MAP7: variants seen among roughly 807,000 people sequenced by gnomAD.
The protein encoded by MAP7 is ensconsin.
Under a neutral mutation model 94.8 loss-of-function variants are expected in MAP7, and 52 were observed. The ratio of observed to expected loss-of-function variants is 0.55; its 90% confidence interval spans 0.44 to 0.69. The LOEUF is 0.69. Ranked by LOEUF, MAP7 falls within the 30% of genes least tolerant of loss-of-function variation. The pLI is 0.00. For synonymous variants in MAP7, 350 were observed against 357.0 expected (o/e 0.98, Z 0.22); for missense variants, 940 against 964.6 (o/e 0.97, Z 0.34).
At chr6:136,547,901 T>G (rs958029152) in intron 1 of MAP7, among the ~76,000 whole-genome samples, 1 of 152,164 alleles carries the variant, frequency 6.6e-6, no homozygotes, top group Admixed American at 6.5e-5. Flanking sequence ...TATTCTCATC[T>G]AAAGTGCCCT....
intron 3 of MAP7, among the ~76,000 whole-genome samples, chr6:136,395,525 T>C (rs1030023406): frequency 6.6e-6 from 1 of 151,972 alleles, no homozygotes; most frequent in Non-Finnish European, 1.5e-5. Flanking sequence ...GTCTCTTCTG[T>C]TGTTTCCTTT....
chr6:136,538,061 C>G (rs571738313), intron 1 of MAP7, among the ~76,000 whole-genome samples: 1 of 152,150 alleles, frequency 6.6e-6, no homozygotes, highest in Non-Finnish European at 1.5e-5. Context: ...GGATTACAGG[C>G]GTGAGCCACC....
intron 8 of MAP7, among the ~76,000 whole-genome samples, chr6:136,369,547 T>C (rs1795088333): frequency 6.7e-6 from 1 of 148,704 alleles, no homozygotes; most frequent in Admixed American, 6.8e-5. Flanking sequence ...TACTCCAGCA[T>C]GGGTGACAGA....
intron 1 of MAP7, among the ~76,000 whole-genome samples, chr6:136,464,366 G>A (rs967216022): frequency 1.3e-5 from 2 of 152,192 alleles, no homozygotes; most frequent in African/African-American, 4.8e-5. Flanking sequence ...GAAAATTGGT[G>A]AGTACAGTAC....
chr6:136,379,007 A>G (rs1322807227), intron 6 of MAP7, among the ~76,000 whole-genome samples: 1 of 152,174 alleles, frequency 6.6e-6, no homozygotes, highest in Non-Finnish European at 1.5e-5. Flanking sequence ...TTACAGGTGC[A>G]TGCCACTGTG....
intron 15 of MAP7, among the ~76,000 whole-genome samples, chr6:136,359,463 A>G (rs1016501185): frequency 1.3e-5 from 2 of 152,244 alleles, no homozygotes; most frequent in African/African-American, 2.4e-5. Flanking sequence ...TTGAGCAGAC[A>G]GTATGTGATA....
At chr6:136,353,587 T>C (rs1158233944) in intron 16 of MAP7, among the ~76,000 whole-genome samples, 1 of 152,214 alleles carries the variant, frequency 6.6e-6, no homozygotes. Flanking sequence ...AGGGTCTCGC[T>C]CTGTCACTCA....
chr6:136,381,919 C>CAGAGAGAGAG (rs1554237619), intron 6 of MAP7, among the ~76,000 whole-genome samples: 1 of 102,976 alleles, frequency 9.7e-6, no homozygotes, highest in African/African-American at 3.8e-5. Flanking sequence ...CACACACACA[C>CAGAGAGAGAG]AGAGAGAGAG....
intron 1 of MAP7, among the ~76,000 whole-genome samples, chr6:136,508,832 T>C (rs1027066811): frequency 2.6e-5 from 4 of 152,210 alleles, no homozygotes; most frequent in Non-Finnish European, 5.9e-5. Flanking sequence ...TATCTAATCT[T>C]GGAAGAAACC....
intron 1 of MAP7, among the ~76,000 whole-genome samples, chr6:136,491,959 G>C (rs1816743579): frequency 6.6e-6 from 1 of 152,154 alleles, no homozygotes; most frequent in Non-Finnish European, 1.5e-5. Context: ...AAGTTACTAG[G>C]GAAACTGGGG....
chr6:136,536,413 T>C (rs1324372238), intron 1 of MAP7, among the ~76,000 whole-genome samples: 1 of 152,154 alleles, frequency 6.6e-6, no homozygotes, highest in East Asian at 1.9e-4. Context: ...TTCATATCCA[T>C]GACCTAAACC....
chr6:136,494,520 G>A (rs1817629093), intron 1 of MAP7, among the ~76,000 whole-genome samples: 1 of 152,118 alleles, frequency 6.6e-6, no homozygotes, highest in Admixed American at 6.5e-5. Context: ...CAAGGTAAAT[G>A]TACTTAATGC....
chr6:136,405,254 C>A (rs554148571), intron 3 of MAP7, among the ~76,000 whole-genome samples: 1 of 152,228 alleles, frequency 6.6e-6, no homozygotes, highest in South Asian at 2.1e-4. Flanking sequence ...TGTTCCGGGG[C>A]AGGGGGCCAA....
intron 1 of MAP7, among the ~76,000 whole-genome samples, chr6:136,428,160 T>G (rs1169595206): frequency 6.6e-6 from 1 of 152,204 alleles, no homozygotes; most frequent in African/African-American, 2.4e-5. Context: ...ATTGAACCAC[T>G]TCCAAAGAGA....
Position 136,432,643 on chromosome 6 carries a change from G to A in MAP7, c.68-10844C>T, listed in dbSNP as rs553015455. 8.5e-5 allele frequency among the ~76,000 whole-genome samples: 13 copies of A among 152,176 alleles called. No individual in the cohort carries two copies. In the East Asian group the frequency reaches 2.3e-3, roughly 27 times the overall value. On this transcript the variant is annotated intron_variant, in intron 1 of 17. Coordinates refer to ENST00000354570, the MANE Select transcript of MAP7 (RefSeq NM_003980.6). ...TTAGTATTCTAAGGTCCTATATGAAGTGCAACTCACAGGTTGGTTACAGAA... is the reference window on the plus strand; with the variant it reads ...TTAGTATTCTAAGGTCCTATATGAAATGCAACTCACAGGTTGGTTACAGAA...
At chr6:136,356,892 T>C in intron 15 of MAP7, 98 bp from the exon 16 acceptor site, 1 of 938,430 alleles carries the variant, frequency 1.1e-6, no homozygotes, top group South Asian at 1.4e-5. Context: ...GTGCTGGTTC[T>C]GCTACTTAAG....
At chr6:136,461,081 G>A (rs1487152611) in intron 1 of MAP7, among the ~76,000 whole-genome samples, 1 of 152,066 alleles carries the variant, frequency 6.6e-6, no homozygotes, top group Non-Finnish European at 1.5e-5. Flanking sequence ...TTATCCCATT[G>A]TACACCTTAA....
intron 1 of MAP7, among the ~76,000 whole-genome samples, chr6:136,458,481 G>A (rs1283770796): frequency 2.0e-5 from 3 of 151,854 alleles, no homozygotes; most frequent in African/African-American, 7.2e-5. Flanking sequence ...ATCAGGAGAA[G>A]GAACAAAATT....
intron 16 of MAP7, among the ~76,000 whole-genome samples, chr6:136,350,139 A>C (rs1431245579): frequency 6.6e-6 from 1 of 152,186 alleles, no homozygotes; most frequent in African/African-American, 2.4e-5. Flanking sequence ...CTACCACTAT[A>C]CTTGCATGAT....
Sources: allele counts gnomAD v4.1 joint callset (sites outside exome capture counted in the v4.1 genomes callset), GRCh38; gene constraint gnomAD v4.1.1; transcripts MANE v1.5; gene names NCBI Gene and HGNC (gene_info 2026-07-23, HGNC 2026-07-21).